TSPAN13: variants seen among roughly 807,000 people sequenced by gnomAD.
The protein encoded by TSPAN13 is tetraspanin 13.
Under a neutral mutation model 26.9 loss-of-function variants are expected in TSPAN13, and 18 were observed. That is an observed-to-expected ratio of 0.67 (90% CI 0.46 to 0.99). The LOEUF (loss-of-function observed/expected upper bound fraction) is 0.99. Ranked by LOEUF, TSPAN13 falls within the 50% of genes least tolerant of loss-of-function variation. The pLI is 0.00. For synonymous variants in TSPAN13, 116 were observed against 98.4 expected (o/e 1.18, Z -1.06); for missense variants, 201 against 249.6 (o/e 0.81, Z 1.31).
intron 1 of TSPAN13, among the ~76,000 whole-genome samples, chr7:16,769,572 G>C (rs55792810): frequency 6.6e-6 from 1 of 152,000 alleles, no homozygotes. Flanking sequence ...TAAAAAGTAT[G>C]TGAAAAAAAT....
intron 1 of TSPAN13, among the ~76,000 whole-genome samples, chr7:16,756,087 G>A (rs998656948): frequency 2.0e-5 from 3 of 152,166 alleles, no homozygotes; most frequent in African/African-American, 7.2e-5. Flanking sequence ...AATAACTGCA[G>A]CAGTTTAAAG....
At chr7:16,772,584 TC>T (rs1217022385) in intron 1 of TSPAN13, among the ~76,000 whole-genome samples, 1 of 152,176 alleles carries the variant, frequency 6.6e-6, no homozygotes, top group Non-Finnish European at 1.5e-5. Flanking sequence ...CTCTCTAATT[TC>T]CCTGTGCCTC....
intron 1 of TSPAN13, among the ~76,000 whole-genome samples, chr7:16,774,245 A>G (rs1295503580): frequency 1.3e-5 from 2 of 152,162 alleles, no homozygotes; most frequent in Admixed American, 1.3e-4. Context: ...TCTCTGTTTC[A>G]CTGTTGGATT....
rs1251953890 is a variant in TSPAN13, at chr7:16,784,487, T to G, written c.*996T>G. On this transcript the variant is annotated 3_prime_UTR_variant, in exon 6 of 6. Coordinates refer to ENST00000262067, the MANE Select transcript of TSPAN13 (RefSeq NM_014399.4). ...ATTAAAGGACAGAAACCTTTCTTTG[T>G]GTATGCATGTTTGAATTAAAAGAAA... The G allele has an allele frequency of 6.6e-6, 1 of 152,186 alleles. No individual in the cohort carries two copies. The highest frequency in any genetic ancestry group is 1.5e-5 in the Non-Finnish European group (1 of 68,006). The allele number at this position is 152,186 out of a possible 1,614,324, so 9.4% of individuals were successfully genotyped here. A position where few individuals can be genotyped will look rare whatever the true frequency, so the allele number is the denominator to read the frequency against.
chr7:16,755,045 G>C (rs559888836), intron 1 of TSPAN13, among the ~76,000 whole-genome samples: 1 of 151,980 alleles, frequency 6.6e-6, no homozygotes. Context: ...CTTTCCACAG[G>C]CTGTCTCTAC....
chr7:16,776,167 C>T (rs2115334542), intron 1 of TSPAN13, 44 bp from the exon 2 acceptor site: 1 of 1,588,252 alleles, frequency 6.3e-7, no homozygotes, highest in African/African-American at 1.3e-5. Flanking sequence ...CATTCTCTCT[C>T]CTCTCTCTCG....
At chr7:16,766,278 AAGTTTATGATGTAC>A (rs898086689) in intron 1 of TSPAN13, among the ~76,000 whole-genome samples, 7 of 152,240 alleles carry the variant, frequency 4.6e-5, no homozygotes, top group Admixed American at 3.9e-4. Context: ...TAGCACAAAC[AAGTTTATGATGTAC>A]AGTTTCGCTG....
intron 1 of TSPAN13, among the ~76,000 whole-genome samples, chr7:16,763,693 C>G (rs1784573785): frequency 6.7e-6 from 1 of 148,866 alleles, no homozygotes; most frequent in African/African-American, 2.6e-5. Context: ...TGGACCTATC[C>G]CTTGGATCAA....
intron 1 of TSPAN13, among the ~76,000 whole-genome samples, chr7:16,773,570 G>A (rs1474468950): frequency 6.6e-6 from 1 of 152,128 alleles, no homozygotes; most frequent in Non-Finnish European, 1.5e-5. Context: ...AGTTTGCCAA[G>A]CCCTGTTCTA....
intron 2 of TSPAN13, 22 bp from the exon 3 acceptor site, chr7:16,777,020 A>G: frequency 1.3e-6 from 2 of 1,497,246 alleles, no homozygotes; most frequent in Non-Finnish European, 1.9e-6. Flanking sequence ...ATTTAGAAGT[A>G]TCCTTAACTT....
At position 16,754,972 on chromosome 7, in the gene TSPAN13, A is replaced by C. The variant is rs76316899; in HGVS notation, c.63+942A>C. Among the ~76,000 whole-genome samples, 1,605 of 152,362 alleles carry C rather than the reference A, an allele frequency of 0.011. 43 individuals carry two copies. The East Asian group carries it at 0.11, about 10-fold the overall frequency. ...TAAGGTAACAGACCAAAAAGGTTTTAGTAAGTTTACATAGCTGGTAGTTGA... is the reference window on the plus strand; with the variant it reads ...TAAGGTAACAGACCAAAAAGGTTTTCGTAAGTTTACATAGCTGGTAGTTGA... On this transcript the variant is annotated intron_variant, in intron 1 of 5. Coordinates refer to ENST00000262067, the MANE Select transcript of TSPAN13 (RefSeq NM_014399.4).
At chr7:16,756,240 G>A (rs1425955579) in intron 1 of TSPAN13, among the ~76,000 whole-genome samples, 2 of 152,122 alleles carry the variant, frequency 1.3e-5, no homozygotes, top group Admixed American at 6.6e-5. Context: ...GTTGGGGATG[G>A]GATTGAGCAT....
intron 1 of TSPAN13, among the ~76,000 whole-genome samples, chr7:16,761,061 T>C (rs1056716509): frequency 4.6e-5 from 7 of 152,296 alleles, no homozygotes; most frequent in African/African-American, 1.4e-4. Flanking sequence ...GTTGGAACTT[T>C]GTTGGCAGCT....
At chr7:16,772,865 A>G (rs987441753) in intron 1 of TSPAN13, among the ~76,000 whole-genome samples, 8 of 152,074 alleles carry the variant, frequency 5.3e-5, no homozygotes, top group African/African-American at 1.9e-4. Flanking sequence ...ACGTGGTGGC[A>G]TATGCCTGTA....
chr7:16,767,092 C>G (rs1486008601), intron 1 of TSPAN13, among the ~76,000 whole-genome samples: 1 of 152,130 alleles, frequency 6.6e-6, no homozygotes, highest in Admixed American at 6.6e-5. Flanking sequence ...AGACTATAGG[C>G]ACACCACTGA....
chr7:16,759,984 G>A (rs1435405499), intron 1 of TSPAN13, among the ~76,000 whole-genome samples: 1 of 152,154 alleles, frequency 6.6e-6, no homozygotes, highest in African/African-American at 2.4e-5. Context: ...ACTGTGCCTG[G>A]CCAGGAGGAG....
intron 1 of TSPAN13, among the ~76,000 whole-genome samples, chr7:16,758,029 T>C (rs566345225): frequency 1.7e-4 from 26 of 152,246 alleles, no homozygotes; most frequent in Middle Eastern, 3.4e-3. Context: ...GAGACGGGGT[T>C]TCGCCGTGTT....
chr7:16,768,005 C>T (rs1373253010), intron 1 of TSPAN13, among the ~76,000 whole-genome samples: 2 of 152,152 alleles, frequency 1.3e-5, no homozygotes, highest in Non-Finnish European at 2.9e-5. Flanking sequence ...CTCCTCCTCC[C>T]AGGTTCAAGC....
intron 1 of TSPAN13, among the ~76,000 whole-genome samples, chr7:16,772,334 C>T (rs1416564695): frequency 6.6e-6 from 1 of 152,140 alleles, no homozygotes; most frequent in African/African-American, 2.4e-5. Flanking sequence ...TATTTCTTTT[C>T]TAGGACTGCT....
Sources: gnomAD v4.1 joint callset for allele counts (sites outside exome capture counted in the v4.1 genomes callset) on GRCh38, gnomAD v4.1.1 for gene constraint, MANE v1.5 for transcripts, NCBI Gene and HGNC (gene_info 2026-07-23, HGNC 2026-07-21) for gene names.